Variants in ENTPD1 observed in about 807,000 individuals in gnomAD.
ENTPD1 encodes the protein ectonucleoside triphosphate diphosphohydrolase 1, also known as ATP diphosphohydrolase.
A neutral mutation model predicts 57.0 loss-of-function variants in ENTPD1; 33 were observed. That is an observed-to-expected ratio of 0.58 (90% CI 0.44 to 0.77). The LOEUF (loss-of-function observed/expected upper bound fraction) is 0.77, where lower values mean the gene tolerates loss of function less well. Among genes scored for constraint, ENTPD1 ranks in the 30% least tolerant of loss-of-function variants. ENTPD1 has a pLI of 0.00. For synonymous variants in ENTPD1, 202 were observed against 218.8 expected, an observed-to-expected ratio of 0.92 and a Z score of 0.68; for missense variants, 501 against 603.4, an observed-to-expected ratio of 0.83 and a Z score of 1.78.
At position 95,871,210 on chromosome 10, in the gene ENTPD1, AAGT is replaced by A. The variant is rs1266300606; in HGVS notation, c.*4829_*4831del. On this transcript the variant is annotated 3_prime_UTR_variant, in exon 10 of 10. Transcript: ENST00000371205. The stretch of plus-strand genomic sequence containing the variant: ...AGTGATTAATTTTAACACAGGAAAA[AAGT>A]AAAGCATTAAATGCGATTATTTAAT... 3.0e-6 allele frequency: 3 copies of A among 985,508 alleles called. No homozygotes were observed. The African/African-American group carries it at 5.2e-5, about 17-fold the overall frequency. The allele number at this position is 985,508 out of a possible 1,614,324, so 61.0% of individuals were successfully genotyped here.
upstream of ENTPD1, among the ~76,000 whole-genome samples, chr10:95,709,326 G>T (rs1290347364): frequency 6.6e-6 from 1 of 151,972 alleles, no homozygotes; most frequent in Admixed American, 6.6e-5. Context: ...ATACAGAGCA[G>T]TTCTGTCTCC....
rs2098477638 is a variant in ENTPD1, at chr10:95,869,226, C to G, written c.*2843C>G. 1 of 435,204 alleles carries G rather than the reference C, an allele frequency of 2.3e-6. No homozygotes were observed. The highest frequency in any genetic ancestry group is 2.4e-5 in the African/African-American group (1 of 42,068). 27.0% of individuals were successfully genotyped at this position (435,204 alleles called of 1,614,324 possible). A position where few individuals can be genotyped will look rare whatever the true frequency, so the allele number is the denominator to read the frequency against. ...TGAACCTATAGGGGAGAAAAAAGATCAGCAGAAGTCATTACTTTTTTTTTT... is the reference window on the plus strand; with the variant it reads ...TGAACCTATAGGGGAGAAAAAAGATGAGCAGAAGTCATTACTTTTTTTTTT... On this transcript the variant is annotated 3_prime_UTR_variant, in exon 10 of 10. Coordinates refer to ENST00000371205, the MANE Select transcript of ENTPD1 (RefSeq NM_001776.6).
At chr10:95,735,658 C>G (rs1036953146) in intron 1 of ENTPD1, among the ~76,000 whole-genome samples, 2 of 151,972 alleles carry the variant, frequency 1.3e-5, no homozygotes, top group African/African-American at 4.8e-5. Flanking sequence ...TGCAATGGTG[C>G]GATCTCGGCT....
At chr10:95,725,047 T>G (rs2097982157) in intron 1 of ENTPD1, among the ~76,000 whole-genome samples, 1 of 152,152 alleles carries the variant, frequency 6.6e-6, no homozygotes, top group South Asian at 2.1e-4. Context: ...TCAATCTATT[T>G]CCCTCTGTTA....
intron 1 of ENTPD1, among the ~76,000 whole-genome samples, chr10:95,798,517 G>A (rs1212221818): frequency 2.0e-5 from 3 of 152,124 alleles, no homozygotes. Context: ...TGGGTGGAGG[G>A]TAGGCCTAAT....
chr10:95,805,301 A>G (rs1414672509), intron 1 of ENTPD1, among the ~76,000 whole-genome samples: 1 of 151,594 alleles, frequency 6.6e-6, no homozygotes, highest in Non-Finnish European at 1.5e-5. Context: ...ACAAGAGACT[A>G]GGATTGCAAC....
In ENTPD1 at chr10:95,871,784, CA is replaced by C; in HGVS notation, c.*5402del. Reference sequence around the variant, plus strand: ...TTGACTTGTTTTTATAACCCCTTTGCATGTATGTTGAATAGCAAAGTTCATC... The same window carrying C: ...TTGACTTGTTTTTATAACCCCTTTGCTGTATGTTGAATAGCAAAGTTCATC... On this transcript the variant is annotated 3_prime_UTR_variant, in exon 10 of 10. Transcript: ENST00000371205. 2 of 985,306 alleles carry C rather than the reference CA, an allele frequency of 2.0e-6. No individual in the cohort carries two copies. Among genetic ancestry groups the C allele is most frequent in the Non-Finnish European group, 2.4e-6 (2 of 829,930 alleles). The allele number at this position is 985,306 out of a possible 1,614,324, so 61.0% of individuals were successfully genotyped here.
chr10:95,823,818 A>C (rs1218536680), intron 2 of ENTPD1, among the ~76,000 whole-genome samples: 4 of 152,234 alleles, frequency 2.6e-5, no homozygotes, highest in Non-Finnish European at 4.4e-5. Context: ...TTTGGAAGTC[A>C]GAGATTGAGG....
intron 1 of ENTPD1, among the ~76,000 whole-genome samples, chr10:95,800,773 T>TA (rs2098246137): frequency 6.6e-6 from 1 of 152,194 alleles, no homozygotes; most frequent in Admixed American, 6.5e-5. Context: ...AGTCAGACCT[T>TA]ATGGTTATCT....
intron 1 of ENTPD1, among the ~76,000 whole-genome samples, chr10:95,770,951 A>G (rs184464129): frequency 2.0e-4 from 30 of 152,290 alleles, no homozygotes; most frequent in Admixed American, 1.4e-3. Flanking sequence ...TAAAATATAT[A>G]AAGAATAAAT....
At chr10:95,797,336 T>C (rs1466304493) in intron 1 of ENTPD1, among the ~76,000 whole-genome samples, 1 of 151,688 alleles carries the variant, frequency 6.6e-6, no homozygotes, top group Non-Finnish European at 1.5e-5. Context: ...AATTTTGAGC[T>C]CAAGAGAAAG....
At chr10:95,805,360 A>G (rs953277069) in intron 1 of ENTPD1, among the ~76,000 whole-genome samples, 1 of 151,754 alleles carries the variant, frequency 6.6e-6, no homozygotes, top group Admixed American at 6.6e-5. Flanking sequence ...TCCTCCATCC[A>G]TTTATTTTGA....
intron 1 of ENTPD1, among the ~76,000 whole-genome samples, chr10:95,723,154 G>A (rs978075142): frequency 3.3e-5 from 5 of 152,160 alleles, no homozygotes; most frequent in Non-Finnish European, 5.9e-5. Context: ...TAGTATTGGA[G>A]TGTTATAGGG....
chr10:95,788,563 G>C (rs1271316750), intron 1 of ENTPD1, among the ~76,000 whole-genome samples: 1 of 151,902 alleles, frequency 6.6e-6, no homozygotes, highest in African/African-American at 2.4e-5. Flanking sequence ...GTTGCAGTGA[G>C]CTGAGATTGC....
intron 8 of ENTPD1, among the ~76,000 whole-genome samples, chr10:95,862,130 G>A (rs1021526645): frequency 1.3e-5 from 2 of 152,198 alleles, no homozygotes; most frequent in Non-Finnish European, 2.9e-5. Flanking sequence ...AGTCATGTGG[G>A]GAGTTGTTCA....
chr10:95,716,067 T>C (rs886172823), intron 1 of ENTPD1, among the ~76,000 whole-genome samples: 2 of 152,210 alleles, frequency 1.3e-5, no homozygotes, highest in African/African-American at 2.4e-5. Context: ...GGTCCCACTA[T>C]GTGGCCCATG....
At chr10:95,716,307 C>T (rs2097971429) in intron 1 of ENTPD1, among the ~76,000 whole-genome samples, 1 of 152,162 alleles carries the variant, frequency 6.6e-6, no homozygotes, top group South Asian at 2.1e-4. Context: ...AACTTTGCTC[C>T]ACTATAGCTC....
Position 95,872,382 on chromosome 10 carries a change from A to G in ENTPD1, c.*5999A>G, listed in dbSNP as rs1424740450. The G allele has an allele frequency of 4.1e-6, 4 of 985,192 alleles. No individual in the cohort carries two copies. The East Asian group carries it at 3.4e-4, about 84-fold the overall frequency. The allele number at this position is 985,192 out of a possible 1,614,324, so 61.0% of individuals were successfully genotyped here. A position where few individuals can be genotyped will look rare whatever the true frequency, so the allele number is the denominator to read the frequency against. ...ACTCCTCTGATGTTTCCTACACTAC[A>G]CTACACTATACTACACTACAGCCAG... On this transcript the variant is annotated 3_prime_UTR_variant, in exon 10 of 10. Coordinates refer to ENST00000371205, the MANE Select transcript of ENTPD1 (RefSeq NM_001776.6).
At position 95,719,943 on chromosome 10, in the gene ENTPD1, C is replaced by G. The variant is rs2097975711; in HGVS notation, c.37+7950C>G. ...CCAGGACTGTAAACCACTCTGCTTC[C>G]TCTGGTATTTGGGAAAGCAGAGTAT... is the stretch of plus-strand genomic sequence containing the variant. On this transcript the variant is annotated intron_variant, in intron 1 of 9. Transcript: ENST00000453258. Among the ~76,000 whole-genome samples, 3 of 152,164 alleles carry G rather than the reference C, an allele frequency of 2.0e-5. No individual in the cohort carries two copies. The South Asian group carries it at 6.2e-4, about 31-fold the overall frequency.
Sources: gnomAD v4.1 joint callset for allele counts (sites outside exome capture counted in the v4.1 genomes callset) on GRCh38, gnomAD v4.1.1 for gene constraint, MANE v1.5 for transcripts, NCBI Gene and HGNC (gene_info 2026-07-23, HGNC 2026-07-21) for gene names.